Variants in CYRIB observed in about 807,000 individuals in gnomAD.
CYRIB encodes CYFIP-related Rac1 interactor B.
CYRIB carries 8 observed loss-of-function variants against 44.2 expected under a neutral mutation model. The observed-to-expected ratio is 0.18, with a 90% CI of 0.11 to 0.33. The LOEUF (loss-of-function observed/expected upper bound fraction) is 0.33. Ranked by LOEUF, CYRIB falls within the 10% of genes least tolerant of loss-of-function variation. CYRIB has a pLI of 1.00. For missense variants in CYRIB, 185 were observed against 382.8 expected (o/e 0.48, Z 4.31); for synonymous variants, 131 against 127.2 (o/e 1.03, Z -0.20).
At chr8:129,869,048 T>G (rs2055514211) in intron 4 of CYRIB, among the ~76,000 whole-genome samples, 2 of 121,498 alleles carry the variant, frequency 1.6e-5, no homozygotes, top group Admixed American at 1.8e-4. Context: ...GCCTAAGAGT[T>G]CTATATTTAA....
chr8:129,847,831 T>A (rs2041027496), intron 10 of CYRIB, among the ~76,000 whole-genome samples: 1 of 152,190 alleles, frequency 6.6e-6, no homozygotes, highest in Non-Finnish European at 1.5e-5. Context: ...AGATGGAGTC[T>A]CGCTCTGTCA....
chr8:129,859,440 G>A (rs2048104205), intron 5 of CYRIB, among the ~76,000 whole-genome samples: 1 of 152,092 alleles, frequency 6.6e-6, no homozygotes, highest in Non-Finnish European at 1.5e-5. Flanking sequence ...CACAGGAGGT[G>A]GAGGAGCAGA....
intron 1 of CYRIB, among the ~76,000 whole-genome samples, chr8:130,011,792 C>T (rs2097225286): frequency 6.6e-6 from 1 of 151,972 alleles, no homozygotes; most frequent in African/African-American, 2.4e-5. Flanking sequence ...GAGATCGCAC[C>T]ACTGCACTCC....
chr8:129,879,800 A>C (rs1338408344), intron 2 of CYRIB: 1 of 215,482 alleles, frequency 4.6e-6, no homozygotes, highest in African/African-American at 2.3e-5. Flanking sequence ...CTGAAAAAGA[A>C]ATTTCTGATC....
At chr8:129,898,067 A>G (rs897200755) in intron 2 of CYRIB, among the ~76,000 whole-genome samples, 2 of 142,394 alleles carry the variant, frequency 1.4e-5, no homozygotes, top group African/African-American at 2.6e-5. Context: ...CCTGGCCCCA[A>G]TCTAAAAATT....
intron 2 of CYRIB, among the ~76,000 whole-genome samples, chr8:129,953,748 A>G (rs1037018995): frequency 1.2e-4 from 19 of 152,294 alleles, no homozygotes; most frequent in Non-Finnish European, 5.9e-5. Context: ...GTGAATCCCC[A>G]GCATGGCCAC....
At chr8:129,940,346 G>T (rs1367712823), upstream of CYRIB, among the ~76,000 whole-genome samples, 1 of 152,236 alleles carries the variant, frequency 6.6e-6, no homozygotes, top group Non-Finnish European at 1.5e-5. Context: ...ACGTGTTCCT[G>T]GCAGGCGCCC....
chr8:129,987,458 C>T (rs1483013758), intron 1 of CYRIB, among the ~76,000 whole-genome samples: 1 of 152,056 alleles, frequency 6.6e-6, no homozygotes, highest in South Asian at 2.1e-4. Flanking sequence ...AGTCCCCAAG[C>T]CCTCCATTCA....
chr8:129,993,612 G>T (rs1360880115), intron 1 of CYRIB, among the ~76,000 whole-genome samples: 1 of 151,126 alleles, frequency 6.6e-6, no homozygotes, highest in Non-Finnish European at 1.5e-5. Flanking sequence ...CAGGAGAATC[G>T]CTGGAACCCA....
In CYRIB at chr8:129,934,559, A is replaced by G. The variant is rs568340310; in HGVS notation, c.-50+5049T>C. On this transcript the variant is annotated intron_variant, in intron 1 of 11. Transcript: ENST00000519824. ...GTACTGAGTGGTTAAATTAAATATT[A>G]AAAGCCAGTGCCCTTAAACAAAGCC... 5.9e-5 allele frequency among the ~76,000 whole-genome samples: 9 copies of G among 152,336 alleles called. No homozygotes were observed. In the East Asian group the frequency reaches 1.7e-3, roughly 29 times the overall value.
intron 5 of CYRIB, among the ~76,000 whole-genome samples, chr8:129,859,403 GGTGGGCCTGACTAAT>G (rs535472435): frequency 2.4e-3 from 369 of 152,254 alleles, no homozygotes; most frequent in African/African-American, 7.6e-3. Context: ...GATAACTGCA[GGTGGGCCTGACTAAT>G]GTCAGGCCCT....
intron 1 of CYRIB, among the ~76,000 whole-genome samples, chr8:129,922,591 C>A (rs889261975): frequency 6.6e-6 from 1 of 152,090 alleles, no homozygotes; most frequent in Non-Finnish European, 1.5e-5. Context: ...AGGCCGGGCG[C>A]GGTGGCTCAC....
chr8:129,997,026 G>A (rs1021316525), intron 1 of CYRIB, among the ~76,000 whole-genome samples: 3 of 130,344 alleles, frequency 2.3e-5, no homozygotes, highest in African/African-American at 8.8e-5. Flanking sequence ...TGAAAACCCA[G>A]TATGCCTTTG....
At chr8:129,872,018 C>A (rs887164865) in intron 3 of CYRIB, among the ~76,000 whole-genome samples, 1 of 152,034 alleles carries the variant, frequency 6.6e-6, no homozygotes, top group African/African-American at 2.4e-5. Flanking sequence ...TTTAGGTGCT[C>A]ACCCCCTTTT....
At chr8:129,944,566 T>C (rs1397252360), upstream of CYRIB, among the ~76,000 whole-genome samples, 1 of 152,124 alleles carries the variant, frequency 6.6e-6, no homozygotes, top group African/African-American at 2.4e-5. Flanking sequence ...GTGGATCACT[T>C]GAGTCCAGGA....
intron 1 of CYRIB, among the ~76,000 whole-genome samples, chr8:129,972,568 T>C (rs1185760965): frequency 6.6e-6 from 1 of 151,744 alleles, no homozygotes; most frequent in East Asian, 1.9e-4. Context: ...GAGCAACCCG[T>C]CTCCAAAGAA....
At chr8:129,913,427 C>T (rs1016747078) in intron 1 of CYRIB, among the ~76,000 whole-genome samples, 5 of 152,204 alleles carry the variant, frequency 3.3e-5, no homozygotes, top group Non-Finnish European at 7.3e-5. Flanking sequence ...ATTTAAAATA[C>T]ATACACGTGC....
chr8:130,010,242 C>T (rs1000659563), intron 1 of CYRIB, among the ~76,000 whole-genome samples: 1 of 152,214 alleles, frequency 6.6e-6, no homozygotes, highest in African/African-American at 2.4e-5. Context: ...AGGTCAAGGG[C>T]AGAGGTACAT....
intron 2 of CYRIB, among the ~76,000 whole-genome samples, chr8:129,886,207 C>T (rs2062701483): frequency 6.6e-6 from 1 of 152,136 alleles, no homozygotes; most frequent in Non-Finnish European, 1.5e-5. Flanking sequence ...CTTTTATGCC[C>T]ACTACAATAA....
Sources: allele counts gnomAD v4.1 joint callset (sites outside exome capture counted in the v4.1 genomes callset), GRCh38; gene constraint gnomAD v4.1.1; transcripts MANE v1.5; gene names NCBI Gene and HGNC (gene_info 2026-07-23, HGNC 2026-07-21).